The following NCKAP1 variants were observed in gnomAD, a reference collection of about 807,000 sequenced individuals.
NCKAP1 encodes nck-associated protein 1.
In NCKAP1, 21 loss-of-function variants were observed where a neutral mutation model predicts 151.2. That is an observed-to-expected ratio of 0.14 (90% CI 0.10 to 0.20). NCKAP1 has a LOEUF of 0.20. Ranked by LOEUF, NCKAP1 falls within the 10% of genes least tolerant of loss-of-function variation. The pLI, the probability that NCKAP1 is intolerant of heterozygous loss-of-function variation, is 1.00. For missense variants in NCKAP1, 933 were observed against 1,352.1 expected (o/e 0.69, Z 4.86); for synonymous variants, 484 against 451.8 (o/e 1.07, Z -0.90).
chr2:182,952,645 A>G, intron 22 of NCKAP1, 143 bp from the exon 23 acceptor site: 1 of 1,129,532 alleles, frequency 8.9e-7, no homozygotes, highest in South Asian at 1.7e-5. Flanking sequence ...AGAATACAAA[A>G]TGCAAAAGTA....
chr2:182,926,853 G>A lies in NCKAP1; in HGVS notation c.3233C>T (p.Thr1078Ile). ...TAAATAAACAGATTCTCTATTTCTT[G>A]TTGTAGTTTTATCTGTCTCCTGGCC... ...KIGQETDKTT[T>I]RNRESVYLLL... Residue 1078 changes from threonine (T) to isoleucine (I), a missense_variant, in exon 30 of 31, where the codon ACA becomes ATA. By Grantham distance (89) the Thr-to-Ile change is moderately conservative. Around this residue, in one of 2 missense-constraint regions of NCKAP1, gnomAD observed 326 missense variants for 557.1 expected, o/e 0.59. Transcript: ENST00000361354. 6.2e-7 allele frequency: 1 copy of A among 1,605,420 alleles called. No homozygotes were observed. The highest frequency in any genetic ancestry group is 8.5e-7 in the Non-Finnish European group (1 of 1,174,660).
Position 182,956,454 on chromosome 2 carries a change from T to C in NCKAP1, c.2153+8A>G, listed in dbSNP as rs1386093710. On this transcript the variant is annotated splice_region_variant and intron_variant, in intron 20 of 30. Transcript: ENST00000361354. ...CAACAAACAAAAACAGTCAATATTC[T>C]TTCTTACTTGGTAAAGCGTATTTCC... 6.2e-7 allele frequency: 1 copy of C among 1,608,504 alleles called. No homozygotes were observed. Among genetic ancestry groups the C allele is most frequent in the South Asian group, 1.1e-5 (1 of 89,270 alleles).
chr2:182,980,828 T>C (rs1697922024), intron 13 of NCKAP1, among the ~76,000 whole-genome samples: 1 of 152,156 alleles, frequency 6.6e-6, no homozygotes. Flanking sequence ...ACCTCTCATC[T>C]AGCCTACTGC....
chr2:182,981,162 A>C lies in NCKAP1; in HGVS notation c.1341+82T>G, dbSNP rs141688748. The C allele has an allele frequency of 1.2e-3, 1,830 of 1,483,252 alleles. 21 individuals carry two copies. In the African/African-American group the frequency reaches 0.023, roughly 19 times the overall value. The allele number at this position is 1,483,252 out of a possible 1,614,324, so 91.9% of individuals were successfully genotyped here. Reference sequence around the variant, plus strand: ...TCACTTGGCACATGATATTTCATAAATGCTTGTTGAACAAACAAATAAAAT... The same window carrying C: ...TCACTTGGCACATGATATTTCATAACTGCTTGTTGAACAAACAAATAAAAT... On this transcript the variant is annotated intron_variant, in intron 13 of 30. Transcript: ENST00000361354.
At chr2:182,927,618 T>C (rs971404857) in intron 29 of NCKAP1, among the ~76,000 whole-genome samples, 1 of 152,038 alleles carries the variant, frequency 6.6e-6, no homozygotes, top group Non-Finnish European at 1.5e-5. Context: ...AGCACTCCTC[T>C]CTCTTGGTAG....
Position 182,922,364 on chromosome 2 carries a change from T to C in NCKAP1, c.*3338A>G, listed in dbSNP as rs535805702. The C allele has an allele frequency of 2.1e-4, 32 of 152,316 alleles. 1 individual carries two copies. The highest frequency in any genetic ancestry group is 7.2e-4 in the African/African-American group (30 of 41,582). The allele number at this position is 152,316 out of a possible 1,614,324, so 9.4% of individuals were successfully genotyped here. A position where few individuals can be genotyped will look rare whatever the true frequency, so the allele number is the denominator to read the frequency against. On this transcript the variant is annotated 3_prime_UTR_variant, in exon 31 of 31. Coordinates refer to ENST00000361354, the MANE Select transcript of NCKAP1 (RefSeq NM_013436.5). ...CCTTTATTAACCAGCCTACATTAGA[T>C]TTAATTTGTGAACTCTGCTATATAA...
intron 10 of NCKAP1, 97 bp from the exon 11 acceptor site, chr2:182,983,479 T>A (rs1697983330): frequency 2.5e-6 from 2 of 802,774 alleles, no homozygotes; most frequent in Admixed American, 5.1e-5. Flanking sequence ...TCCAAAGTCT[T>A]TTTTTAGGAA....
chr2:182,930,615 A>C, intron 27 of NCKAP1, 80 bp downstream of exon 27: 1 of 1,065,182 alleles, frequency 9.4e-7, no homozygotes, highest in East Asian at 2.5e-5. Flanking sequence ...ATTTGAATAT[A>C]TGGTTAAATA....
chr2:182,936,007 A>C (rs1559072406), intron 24 of NCKAP1, among the ~76,000 whole-genome samples: 2 of 152,156 alleles, frequency 1.3e-5, no homozygotes, highest in Admixed American at 6.6e-5. Flanking sequence ...CTGTAATCCT[A>C]GCATTCTAGG....
chr2:183,022,510 C>T (rs978750170), intron 2 of NCKAP1, among the ~76,000 whole-genome samples: 5 of 152,094 alleles, frequency 3.3e-5, no homozygotes, highest in African/African-American at 7.2e-5. Flanking sequence ...TTTCTGGCTG[C>T]GCACAGCAGC....
intron 13 of NCKAP1, among the ~76,000 whole-genome samples, chr2:182,979,330 T>C (rs1327514109): frequency 6.6e-6 from 1 of 152,040 alleles, no homozygotes; most frequent in Non-Finnish European, 1.5e-5. Context: ...GTTGCACAAA[T>C]GCATACAGCT....
chr2:183,006,358 T>A (rs182275455), intron 2 of NCKAP1, among the ~76,000 whole-genome samples: 6 of 152,306 alleles, frequency 3.9e-5, no homozygotes, highest in African/African-American at 1.4e-4. Context: ...ATTAAGTGAA[T>A]AACAAAGGAA....
chr2:183,023,639 C>T (rs1478709454), intron 2 of NCKAP1, among the ~76,000 whole-genome samples, 167 bp downstream of exon 2: 1 of 151,588 alleles, frequency 6.6e-6, no homozygotes, highest in Admixed American at 6.6e-5. Context: ...TATTTTTTTC[C>T]GGTCTCGGAC....
At position 182,917,974 on chromosome 2, in the gene NCKAP1, C is replaced by T. The variant is rs1047578830; in HGVS notation, c.*7728G>A. The T allele has an allele frequency of 4.6e-5, 7 of 152,166 alleles. No individual in the cohort carries two copies. Among genetic ancestry groups the T allele is most frequent in the African/African-American group, 1.7e-4 (7 of 41,492 alleles). 9.4% of individuals were successfully genotyped at this position (152,166 alleles called of 1,614,324 possible). ...GTCCCCAAGCCCACAGTCATTTACC[C>T]AGGAAATGTTTTTTAGTGCTTTGGG... is the stretch of plus-strand genomic sequence containing the variant. On this transcript the variant is annotated 3_prime_UTR_variant, in exon 31 of 31. Transcript: ENST00000361354.
At chr2:182,956,351 T>C in intron 20 of NCKAP1, 111 bp downstream of exon 20, 1 of 1,387,928 alleles carries the variant, frequency 7.2e-7, no homozygotes, top group Non-Finnish European at 9.8e-7. Flanking sequence ...GGTTCATTAT[T>C]CTTAACACTA....
chr2:182,953,436 T>A (rs1003864943), intron 20 of NCKAP1, 105 bp from the exon 21 acceptor site: 1 of 684,632 alleles, frequency 1.5e-6, no homozygotes, highest in Non-Finnish European at 2.3e-6. Context: ...GCAATAAAAT[T>A]AACTTTAAAA....
At chr2:182,927,447 T>A (rs189604495) in intron 29 of NCKAP1, among the ~76,000 whole-genome samples, 144 of 152,188 alleles carry the variant, frequency 9.5e-4, no homozygotes, top group Middle Eastern at 6.8e-3. Context: ...TTAAAAAAGC[T>A]GACAGGATTT....
rs74524884 is a variant in NCKAP1 at position 183,008,911 on chromosome 2, C to A, written c.220-5586G>T. ...ATATAAGCAAATCTCTTAAGATTAC[C>A]TAAAAATTCTAATTAACACAAAGAA... On this transcript the variant is annotated intron_variant, in intron 2 of 30. Transcript: ENST00000361354. Among the ~76,000 whole-genome samples the A allele has an allele frequency of 3.0e-4, 46 of 152,210 alleles. No homozygotes were observed. The East Asian group carries it at 8.3e-3, about 27-fold the overall frequency.
In NCKAP1 at chr2:182,912,894, C is replaced by CGGAAGGA. The variant is rs1696417947; in HGVS notation, c.*12807_*12808insTCCTTCC. On this transcript the variant is annotated 3_prime_UTR_variant, in exon 31 of 31. Coordinates refer to ENST00000361354, the MANE Select transcript of NCKAP1 (RefSeq NM_013436.5). ...GAAGGAAGGAAGGAAGGAAAGAATT[C>CGGAAGGA]AGCCAGATGAACTTTAGTTAAGTGC... is the stretch of plus-strand genomic sequence containing the variant. The CGGAAGGA allele has an allele frequency of 2.8e-5, 1 of 35,830 alleles. No individual in the cohort carries two copies. Among genetic ancestry groups the CGGAAGGA allele is most frequent in the South Asian group, 1.3e-3 (1 of 800 alleles). 2.2% of individuals were successfully genotyped at this position (35,830 alleles called of 1,614,324 possible). A position where few individuals can be genotyped will look rare whatever the true frequency, so the allele number is the denominator to read the frequency against.
Sources: allele counts gnomAD v4.1 joint callset (sites outside exome capture counted in the v4.1 genomes callset), GRCh38; gene constraint gnomAD v4.1.1; regional missense constraint gnomAD v4.1.1; transcripts MANE v1.5; gene names NCBI Gene and HGNC (gene_info 2026-07-23, HGNC 2026-07-21).